AGMO: variants seen among roughly 807,000 people sequenced by gnomAD.
AGMO encodes the protein glyceryl-ether monooxygenase.
AGMO carries 75 observed loss-of-function variants against 60.2 expected under a neutral mutation model. The ratio of observed to expected loss-of-function variants is 1.25; its 90% confidence interval spans 1.03 to 1.51. The LOEUF (loss-of-function observed/expected upper bound fraction) is 1.51. Ranked by LOEUF, AGMO falls within the 40% of genes most tolerant of loss-of-function variation. The pLI, the probability that AGMO is intolerant of heterozygous loss-of-function variation, is 0.00. For missense variants in AGMO, 763 were observed against 525.5 expected, an observed-to-expected ratio of 1.45 and a Z score of -4.42; for synonymous variants, 261 against 177.1, an observed-to-expected ratio of 1.47 and a Z score of -3.76.
chr7:15,520,395 A>G (rs764926735), intron 3 of AGMO, among the ~76,000 whole-genome samples: 20 of 152,200 alleles, frequency 1.3e-4, no homozygotes, highest in East Asian at 1.9e-4. Context: ...CAGGACATAC[A>G]TTCTTCTCAG....
At chr7:15,319,873 T>C (rs1335591528) in intron 12 of AGMO, among the ~76,000 whole-genome samples, 1 of 152,028 alleles carries the variant, frequency 6.6e-6, no homozygotes, top group Non-Finnish European at 1.5e-5. Context: ...TACAGTTACA[T>C]AAAAGATTTG....
intron 12 of AGMO, among the ~76,000 whole-genome samples, chr7:15,344,530 T>C (rs1183549395): frequency 6.6e-6 from 1 of 152,102 alleles, no homozygotes; most frequent in East Asian, 1.9e-4. Flanking sequence ...CAAACCCGTT[T>C]CTACCAAAAA....
intron 12 of AGMO, among the ~76,000 whole-genome samples, chr7:15,316,372 T>C (rs577721055): frequency 3.0e-4 from 45 of 152,256 alleles, no homozygotes; most frequent in African/African-American, 1.0e-3. Context: ...CCACACTCCC[T>C]GCCAGTGGCG....
At chr7:15,202,580 C>A (rs1273973015) in intron 12 of AGMO, among the ~76,000 whole-genome samples, 1 of 149,268 alleles carries the variant, frequency 6.7e-6, no homozygotes, top group African/African-American at 2.5e-5. Flanking sequence ...TCATCCTTCA[C>A]ATTAGTCAGG....
At chr7:15,488,374 T>C (rs1782976010) in intron 3 of AGMO, among the ~76,000 whole-genome samples, 1 of 152,250 alleles carries the variant, frequency 6.6e-6, no homozygotes, top group Non-Finnish European at 1.5e-5. Flanking sequence ...AAACTGTTTT[T>C]GCTTTTGTCT....
intron 12 of AGMO, among the ~76,000 whole-genome samples, chr7:15,204,530 C>G (rs1482909359): frequency 6.6e-6 from 1 of 152,156 alleles, no homozygotes; most frequent in Non-Finnish European, 1.5e-5. Flanking sequence ...TCAATGCACA[C>G]TTATTGTATC....
At chr7:15,136,356 C>A in the AGMO span, among the ~76,000 whole-genome samples, 1 of 152,172 alleles carries the variant, frequency 6.6e-6, no homozygotes, top group Non-Finnish European at 1.5e-5. Context: ...CCCTTTCTTG[C>A]ACCTTTCCTC....
At chr7:15,233,441 G>A (rs1173760846) in intron 12 of AGMO, among the ~76,000 whole-genome samples, 4 of 152,088 alleles carry the variant, frequency 2.6e-5, no homozygotes, top group African/African-American at 9.7e-5. Context: ...ACTGAGGGAG[G>A]GATTCGAATA....
intron 3 of AGMO, among the ~76,000 whole-genome samples, chr7:15,527,173 A>C (rs1218335028): frequency 1.3e-5 from 2 of 152,198 alleles, no homozygotes; most frequent in Non-Finnish European, 2.9e-5. Context: ...TAAGCTTAAG[A>C]AGGAAGGTAA....
intron 12 of AGMO, among the ~76,000 whole-genome samples, chr7:15,276,707 G>T (rs761437075): frequency 6.6e-6 from 1 of 151,994 alleles, no homozygotes; most frequent in Non-Finnish European, 1.5e-5. Context: ...TATAATCCCA[G>T]ATTTCTTGAA....
At chr7:15,177,886 C>T in the AGMO span, among the ~76,000 whole-genome samples, 1 of 152,020 alleles carries the variant, frequency 6.6e-6, no homozygotes, top group African/African-American at 2.4e-5. Flanking sequence ...AATGATATTG[C>T]TTTCTTTTAT....
At chr7:15,506,485 G>T (rs1459537011) in intron 3 of AGMO, among the ~76,000 whole-genome samples, 1 of 151,944 alleles carries the variant, frequency 6.6e-6, no homozygotes, top group Non-Finnish European at 1.5e-5. Context: ...ATTATTCCTG[G>T]AGGACAATTA....
intron 12 of AGMO, among the ~76,000 whole-genome samples, chr7:15,342,119 CAT>C (rs1290390506): frequency 7.5e-6 from 1 of 133,236 alleles, no homozygotes; most frequent in Non-Finnish European, 1.5e-5. Flanking sequence ...CATTTAAACT[CAT>C]GTGACTGGGT....
intron 12 of AGMO, among the ~76,000 whole-genome samples, chr7:15,270,635 T>TTTTTTTTTG (rs1563063233): frequency 2.6e-5 from 3 of 116,346 alleles, no homozygotes; most frequent in African/African-American, 1.0e-4. Flanking sequence ...TTTTTTTTTT[T>TTTTTTTTTG]TTGCTGTGCA....
chr7:15,531,243 T>C (rs1291048430), intron 3 of AGMO, among the ~76,000 whole-genome samples: 4 of 96,152 alleles, frequency 4.2e-5, no homozygotes, highest in African/African-American at 1.7e-4. Flanking sequence ...ATATATTCTA[T>C]ATATTCTATA....
the AGMO span, among the ~76,000 whole-genome samples, chr7:15,145,700 C>A: frequency 6.6e-6 from 1 of 152,104 alleles, no homozygotes; most frequent in Non-Finnish European, 1.5e-5. Context: ...ACAATGTCAA[C>A]CTCCATTATG....
At chr7:15,359,066 G>A (rs1388268120) in intron 12 of AGMO, among the ~76,000 whole-genome samples, 1 of 152,016 alleles carries the variant, frequency 6.6e-6, no homozygotes, top group Non-Finnish European at 1.5e-5. Context: ...AAGACAGGCG[G>A]ATCATGAGGT....
At chr7:15,560,067 C>A (rs1002849682) in intron 2 of AGMO, 74 bp downstream of exon 2, 3 of 1,313,790 alleles carry the variant, frequency 2.3e-6, no homozygotes, top group African/African-American at 3.0e-5. Context: ...TTCTCCCATG[C>A]ATTGGGTTCC....
intron 5 of AGMO, among the ~76,000 whole-genome samples, chr7:15,405,602 T>C (rs1784664844): frequency 6.6e-6 from 1 of 151,926 alleles, no homozygotes; most frequent in Non-Finnish European, 1.5e-5. Flanking sequence ...ATGTAGTCAT[T>C]TGGCTTTTTC....
Sources: allele counts gnomAD v4.1 joint callset (sites outside exome capture counted in the v4.1 genomes callset), GRCh38; gene constraint gnomAD v4.1.1; transcripts MANE v1.5; gene names NCBI Gene and HGNC (gene_info 2026-07-23, HGNC 2026-07-21).